UTRN: variants seen among roughly 807,000 people sequenced by gnomAD.
UTRN encodes the protein dystrophin-related protein 1.
UTRN carries 283 observed loss-of-function variants against 463.9 expected under a neutral mutation model. The observed-to-expected ratio is 0.61, with a 90% CI of 0.55 to 0.67. The LOEUF (loss-of-function observed/expected upper bound fraction) is 0.67, where lower values mean the gene tolerates loss of function less well. Ranked by LOEUF, UTRN falls within the 30% of genes least tolerant of loss-of-function variation. The probability of loss-of-function intolerance (pLI) is 0.00; values close to 1 mark genes in which losing one functional copy is unlikely to be tolerated. For synonymous variants in UTRN, 1,442 were observed against 1,431.5 expected, an observed-to-expected ratio of 1.01 and a Z score of -0.17; for missense variants, 3,922 against 4,084.3, an observed-to-expected ratio of 0.96 and a Z score of 1.08.
intron 13 of UTRN, among the ~76,000 whole-genome samples, chr6:144,442,686 T>G (rs952645352): frequency 2.6e-5 from 4 of 152,138 alleles, no homozygotes; most frequent in African/African-American, 9.7e-5. Flanking sequence ...TTCACTATAA[T>G]GAGAACAGCA....
intron 51 of UTRN, among the ~76,000 whole-genome samples, chr6:144,635,514 CTTTTTTTTTTTTTTTCTTTTCTT>C (rs1184888406): frequency 0.011 from 890 of 79,922 alleles, 6 homozygotes; most frequent in African/African-American, 0.042. Context: ...CTTTTTTTTT[CTTTTTTTTTTTTTTTCTTTTCTT>C]TTTTTTTTTT....
intron 2 of UTRN, among the ~76,000 whole-genome samples, chr6:144,402,312 A>G (rs141599025): frequency 3.3e-5 from 5 of 152,336 alleles, no homozygotes; most frequent in Non-Finnish European, 5.9e-5. Context: ...CGATGTTATA[A>G]TGACCCAAGG....
intron 3 of UTRN, among the ~76,000 whole-genome samples, chr6:144,411,851 A>G (rs751290990): frequency 2.6e-5 from 4 of 151,540 alleles, no homozygotes; most frequent in South Asian, 4.2e-4. Flanking sequence ...ATCTTTTTCA[A>G]TTCTTAGCAA....
chr6:144,477,530 TTA>T (rs1227286729), intron 25 of UTRN, among the ~76,000 whole-genome samples: 2 of 136,534 alleles, frequency 1.5e-5, no homozygotes. Flanking sequence ...GCCTTTCTCT[TTA>T]TACACACACA....
intron 2 of UTRN, among the ~76,000 whole-genome samples, chr6:144,383,231 C>T (rs774808389): frequency 7.2e-5 from 11 of 152,298 alleles, no homozygotes; most frequent in African/African-American, 1.4e-4. Context: ...TGCGCCCAGG[C>T]CATTTCAGCC....
intron 51 of UTRN, among the ~76,000 whole-genome samples, chr6:144,616,466 T>A (rs953111957): frequency 6.6e-6 from 1 of 151,974 alleles, no homozygotes; most frequent in African/African-American, 2.4e-5. Context: ...ATGACAAATA[T>A]AAGTCAGTTT....
In UTRN at chr6:144,844,303, C is replaced by G. The variant is rs1401128146; in HGVS notation, c.10271-2502C>G. 2.0e-5 allele frequency among the ~76,000 whole-genome samples: 3 copies of G among 150,530 alleles called. 1 individual carries two copies. The highest frequency in any genetic ancestry group is 7.3e-5 in the African/African-American group (3 of 40,832). On this transcript the variant is annotated intron_variant, in intron 73 of 74. Coordinates refer to ENST00000367545, the MANE Select transcript of UTRN (RefSeq NM_007124.3). ...TTTTTTTCTGAGACAGAGACTCACT[C>G]TGTTGCCCAGGCTGGAGTTCAATGG...
rs142419833 is a variant in UTRN, at chr6:144,663,961, G to A, written c.7480-14445G>A. ...CAAATATTTGTGAAGTATGTACCAG[G>A]TGCTAGTCTAAGTGTATAGATGGAG... is the stretch of plus-strand genomic sequence containing the variant. On this transcript the variant is annotated intron_variant, in intron 51 of 74. Transcript: ENST00000367545. 5.8e-4 allele frequency among the ~76,000 whole-genome samples: 89 copies of A among 152,238 alleles called. 2 individuals carry two copies. The East Asian group carries it at 6.0e-3, about 10-fold the overall frequency.
chr6:144,318,639 T>G (rs1428642612), intron 2 of UTRN, among the ~76,000 whole-genome samples: 5 of 152,184 alleles, frequency 3.3e-5, no homozygotes, highest in Non-Finnish European at 7.4e-5. Flanking sequence ...AATTTTTGTA[T>G]TTTTAGTAGA....
chr6:144,697,267 A>T (rs1784114472), intron 52 of UTRN, among the ~76,000 whole-genome samples: 1 of 152,172 alleles, frequency 6.6e-6, no homozygotes, highest in African/African-American at 2.4e-5. Flanking sequence ...AAAAATATGA[A>T]TGCCCACAGA....
intron 2 of UTRN, among the ~76,000 whole-genome samples, chr6:144,377,599 C>T (rs972389709): frequency 2.0e-5 from 3 of 152,078 alleles, no homozygotes; most frequent in Non-Finnish European, 2.9e-5. Context: ...TTTTTTCTAC[C>T]GGAGTGCCAT....
chr6:144,590,380 G>T (rs1802908825), intron 51 of UTRN, among the ~76,000 whole-genome samples: 1 of 151,998 alleles, frequency 6.6e-6, no homozygotes, highest in Non-Finnish European at 1.5e-5. Context: ...ATTCTTAACA[G>T]TACAAACGTT....
rs1161656795 is a variant in UTRN at position 144,523,239 on chromosome 6, A to G, written c.5906+51A>G. On this transcript the variant is annotated intron_variant, in intron 41 of 74. Transcript: ENST00000367545. ...AATTTAAAAAAATGCCTGCAAGTTC[A>G]TGGGCGTGAAGAAGATCATGTGGAC... The G allele has an allele frequency of 5.1e-6, 7 of 1,384,254 alleles. No homozygotes were observed. The South Asian group carries it at 9.8e-5, about 19-fold the overall frequency. The allele number at this position is 1,384,254 out of a possible 1,614,324, so 85.7% of individuals were successfully genotyped here. A position where few individuals can be genotyped will look rare whatever the true frequency, so the allele number is the denominator to read the frequency against.
chr6:144,786,608 C>T (rs1053634928), intron 61 of UTRN, among the ~76,000 whole-genome samples: 1 of 152,052 alleles, frequency 6.6e-6, no homozygotes, highest in African/African-American at 2.4e-5. Flanking sequence ...CTCCGATGCT[C>T]ACACCCCTGC....
intron 51 of UTRN, among the ~76,000 whole-genome samples, chr6:144,581,135 A>G (rs779567164): frequency 6.6e-6 from 1 of 152,192 alleles, no homozygotes; most frequent in Non-Finnish European, 1.5e-5. Flanking sequence ...TCCAGGAGGA[A>G]TTGCCTGGTA....
intron 51 of UTRN, among the ~76,000 whole-genome samples, chr6:144,641,039 G>A (rs1238917025): frequency 6.6e-6 from 1 of 152,110 alleles, no homozygotes; most frequent in African/African-American, 2.4e-5. Flanking sequence ...TCTTACCAAT[G>A]ATAATAACTC....
intron 51 of UTRN, among the ~76,000 whole-genome samples, chr6:144,642,443 T>A (rs1777868871): frequency 1.3e-5 from 2 of 152,198 alleles, no homozygotes; most frequent in South Asian, 4.1e-4. Flanking sequence ...GCAAAAGTAA[T>A]ACATTTTGAG....
chr6:144,370,302 T>A (rs926071197), intron 2 of UTRN, among the ~76,000 whole-genome samples: 1 of 152,276 alleles, frequency 6.6e-6, no homozygotes, highest in East Asian at 1.9e-4. Context: ...TCCTGGGACT[T>A]GGTGCCCTGT....
intron 69 of UTRN, among the ~76,000 whole-genome samples, chr6:144,834,939 C>T (rs534586062): frequency 3.7e-4 from 56 of 152,336 alleles, no homozygotes; most frequent in Admixed American, 1.0e-3. Flanking sequence ...AAACGGACCA[C>T]GTGCCATCTG....
Sources: gnomAD v4.1 joint callset for allele counts (sites outside exome capture counted in the v4.1 genomes callset) on GRCh38, gnomAD v4.1.1 for gene constraint, MANE v1.5 for transcripts, NCBI Gene and HGNC (gene_info 2026-07-23, HGNC 2026-07-21) for gene names.